PTPN9: variants seen among roughly 807,000 people sequenced by gnomAD.
PTPN9 encodes the protein protein tyrosine phosphatase non-receptor type 9.
In PTPN9, 26 loss-of-function variants were observed where a neutral mutation model predicts 69.8. The ratio of observed to expected loss-of-function variants is 0.37; its 90% CI spans 0.27 to 0.52. The LOEUF (loss-of-function observed/expected upper bound fraction) is 0.52, where lower values mean the gene tolerates loss of function less well. PTPN9 is among the 20% of genes least tolerant of loss of function. The pLI, the probability that PTPN9 is intolerant of heterozygous loss-of-function variation, is 0.91. For synonymous variants in PTPN9, 274 were observed against 272.5 expected (o/e 1.01, Z -0.05); for missense variants, 549 against 740.3 (o/e 0.74, Z 3.00).
chr15:75,539,595 C>T (rs1043879161), intron 1 of PTPN9, among the ~76,000 whole-genome samples: 2 of 151,820 alleles, frequency 1.3e-5, no homozygotes, highest in Non-Finnish European at 2.9e-5. Flanking sequence ...CATGAGCCAC[C>T]GCGCCCAGCC....
chr15:75,540,957 T>C (rs2075005824), intron 1 of PTPN9, among the ~76,000 whole-genome samples: 1 of 151,758 alleles, frequency 6.6e-6, no homozygotes, highest in African/African-American at 2.4e-5. Context: ...TGCACACCTG[T>C]AGTCCCAGGT....
intron 9 of PTPN9, among the ~76,000 whole-genome samples, chr15:75,475,046 C>T (rs2074588040): frequency 6.6e-6 from 1 of 152,176 alleles, no homozygotes; most frequent in Non-Finnish European, 1.5e-5. Flanking sequence ...TTCTCTTTTG[C>T]TTTTGATGGC....
intron 10 of PTPN9, 123 bp from the exon 11 acceptor site, chr15:75,470,953 C>T (rs2074560853): frequency 1.7e-6 from 2 of 1,186,396 alleles, no homozygotes; most frequent in Admixed American, 2.5e-5. Context: ...TTCTAACTTA[C>T]ACCATTGATT....
At chr15:75,470,515 T>A (rs866589701) in intron 11 of PTPN9, among the ~76,000 whole-genome samples, 165 bp downstream of exon 11, 1 of 152,214 alleles carries the variant, frequency 6.6e-6, no homozygotes, top group East Asian at 1.9e-4. Flanking sequence ...GCTGCAGTAA[T>A]ATGGCTATAT....
chr15:75,499,239 G>T (rs1445993598), intron 7 of PTPN9, among the ~76,000 whole-genome samples: 1 of 152,034 alleles, frequency 6.6e-6, no homozygotes, highest in Non-Finnish European at 1.5e-5. Flanking sequence ...GTAAGTCAGA[G>T]GCTTGGAGCT....
In PTPN9 at chr15:75,503,744, C is replaced by G. The variant is rs546984641; in HGVS notation, c.968+1931G>C. 5.0e-5 allele frequency among the ~76,000 whole-genome samples: 6 copies of G among 119,682 alleles called. No individual in the cohort carries two copies. In the South Asian group the frequency reaches 1.7e-3, roughly 34 times the overall value. The allele number at this position is 119,682 out of a possible 152,430, so 78.5% of individuals were successfully genotyped here. ...GTGGGGGAGTCAGCCCCCAACCCGG[C>G]CAGCCGCCCCATCCGGGAGGGAGGT... On this transcript the variant is annotated intron_variant, in intron 7 of 12. Coordinates refer to ENST00000618819, the MANE Select transcript of PTPN9 (RefSeq NM_002833.4).
chr15:75,542,297 C>A (rs993193803), intron 1 of PTPN9, among the ~76,000 whole-genome samples: 1 of 152,132 alleles, frequency 6.6e-6, no homozygotes. Context: ...GCACTTCAAA[C>A]TCAAAGCCCT....
intron 7 of PTPN9, among the ~76,000 whole-genome samples, chr15:75,499,378 C>T (rs2074760747): frequency 6.9e-6 from 1 of 144,526 alleles, no homozygotes; most frequent in South Asian, 2.2e-4. Context: ...TGGATGATGG[C>T]AACAAGACGA....
intron 6 of PTPN9, among the ~76,000 whole-genome samples, chr15:75,507,351 CAGG>C (rs2074824597): frequency 6.7e-6 from 1 of 148,880 alleles, no homozygotes; most frequent in South Asian, 2.1e-4. Flanking sequence ...GAGGCTGAGG[CAGG>C]AGAATCACTT....
rs961692878 is a variant in PTPN9, at chr15:75,579,135, G to C, written c.-359C>G. On this transcript the variant is annotated 5_prime_UTR_variant, in exon 1 of 13. Coordinates refer to ENST00000618819, the MANE Select transcript of PTPN9 (RefSeq NM_002833.4). ...CTTTTAGAGCCGGGAGCGAAGGGTC[G>C]GCGGAAATTTCCCGAAGGCCGCCGA... 1 of 155,990 alleles carries C rather than the reference G, an allele frequency of 6.4e-6. No individual in the cohort carries two copies. The allele number at this position is 155,990 out of a possible 1,614,324, so 9.7% of individuals were successfully genotyped here.
At chr15:75,470,076 T>C (rs1031447177) in intron 11 of PTPN9, 77 bp from the exon 12 acceptor site, 8 of 1,331,366 alleles carry the variant, frequency 6.0e-6, no homozygotes, top group Non-Finnish European at 8.4e-6. Flanking sequence ...TTCCAGATTC[T>C]CAACACCCTG....
At chr15:75,492,716 T>C (rs1263736920) in intron 7 of PTPN9, among the ~76,000 whole-genome samples, 1 of 152,214 alleles carries the variant, frequency 6.6e-6, no homozygotes, top group Non-Finnish European at 1.5e-5. Context: ...CGAGCTTCCA[T>C]GCAGCTTGTT....
intron 1 of PTPN9, among the ~76,000 whole-genome samples, chr15:75,555,312 T>C (rs1437577469): frequency 2.6e-5 from 4 of 152,042 alleles, no homozygotes; most frequent in African/African-American, 9.7e-5. Flanking sequence ...TAAATTCACT[T>C]CTAGATGTTT....
intron 1 of PTPN9, among the ~76,000 whole-genome samples, chr15:75,537,503 C>T (rs1415737860): frequency 1.5e-5 from 2 of 136,544 alleles, no homozygotes; most frequent in East Asian, 2.1e-4. Flanking sequence ...CCTGTAATCC[C>T]AGCACTTTGG....
chr15:75,473,310 C>T (rs987254057), intron 10 of PTPN9, among the ~76,000 whole-genome samples: 2 of 151,946 alleles, frequency 1.3e-5, no homozygotes, highest in Non-Finnish European at 2.9e-5. Context: ...AGTGCAATGG[C>T]GTGATCTCAG....
chr15:75,492,100 T>C (rs7495610), intron 7 of PTPN9, among the ~76,000 whole-genome samples: 52,538 of 151,872 alleles, frequency 0.35, 10,342 homozygotes, highest in African/African-American at 0.53. Context: ...CTCAAACTCC[T>C]GGGCTCAAGC....
chr15:75,566,610 C>T (rs1469150127), intron 1 of PTPN9, among the ~76,000 whole-genome samples: 3 of 151,304 alleles, frequency 2.0e-5, no homozygotes, highest in Admixed American at 6.6e-5. Context: ...AGCCAGGAGG[C>T]GGAGGTTGCA....
chr15:75,558,438 C>A (rs536041488), intron 1 of PTPN9, among the ~76,000 whole-genome samples: 2 of 152,132 alleles, frequency 1.3e-5, no homozygotes, highest in African/African-American at 4.8e-5. Flanking sequence ...ACCTGGGAGG[C>A]GGAGGTTGCA....
intron 1 of PTPN9, among the ~76,000 whole-genome samples, chr15:75,553,654 A>G (rs1233724687): frequency 6.6e-6 from 1 of 152,000 alleles, no homozygotes; most frequent in Admixed American, 6.6e-5. Flanking sequence ...CAAAGCCCCA[A>G]ATGGATCTGA....
Sources: gnomAD v4.1 joint callset for allele counts (sites outside exome capture counted in the v4.1 genomes callset) on GRCh38, gnomAD v4.1.1 for gene constraint, MANE v1.5 for transcripts, NCBI Gene and HGNC (gene_info 2026-07-23, HGNC 2026-07-21) for gene names.